Variants in RPH3AL observed in about 807,000 individuals in gnomAD.
RPH3AL encodes rab effector Noc2.
In RPH3AL, 38 loss-of-function variants were observed where a neutral mutation model predicts 43.1. The observed-to-expected ratio is 0.88, with a 90% confidence interval of 0.68 to 1.15. The LOEUF is 1.15. RPH3AL is among the 50% of genes most tolerant of loss of function. The pLI, the probability that RPH3AL is intolerant of heterozygous loss-of-function variation, is 0.00. For missense variants in RPH3AL, 462 were observed against 423.2 expected (o/e 1.09, Z -0.81); for synonymous variants, 189 against 176.3 (o/e 1.07, Z -0.57).
intron 5 of RPH3AL, among the ~76,000 whole-genome samples, chr17:285,149 G>A (rs2042876196): frequency 1.3e-5 from 2 of 152,204 alleles, no homozygotes; most frequent in South Asian, 2.1e-4. Context: ...CCTAGAAATG[G>A]GAGCATCGTC....
At chr17:252,448 T>C (rs1567586557) in intron 6 of RPH3AL, among the ~76,000 whole-genome samples, 1 of 152,202 alleles carries the variant, frequency 6.6e-6, no homozygotes. Context: ...ATTTGTTTTT[T>C]GTTTTTTTGA....
At chr17:247,572 A>G (rs948233593) in intron 6 of RPH3AL, 4 of 378,234 alleles carry the variant, frequency 1.1e-5, no homozygotes, top group Non-Finnish European at 9.5e-6. Flanking sequence ...TGCAGCCTCC[A>G]CCTCCTGGGC....
chr17:235,388 A>G (rs1163312584), intron 7 of RPH3AL, among the ~76,000 whole-genome samples: 1 of 145,760 alleles, frequency 6.9e-6, no homozygotes, highest in African/African-American at 2.6e-5. Context: ...CTCTACACTA[A>G]CAAGACAGGT....
Position 215,784 on chromosome 17 carries a change from G to C in RPH3AL, c.746C>G (p.Pro249Arg). 4 of 1,304,346 alleles carry C rather than the reference G, an allele frequency of 3.1e-6. No homozygotes were observed. The highest frequency in any genetic ancestry group is 3.9e-6 in the Non-Finnish European group (4 of 1,023,156). 80.8% of individuals were successfully genotyped at this position (1,304,346 alleles called of 1,614,324 possible). The change falls in exon 9 of 10, where the codon CCC becomes CGC. Residue 249 changes from proline (P) to arginine (R), a missense_variant. Transcript: ENST00000331302. The surrounding 1 kb of genome is among the most constrained non-coding windows in gnomAD (Gnocchi z 4.1). The part of the protein sequence containing the change: ...WKESGGSVEA[P>R]RMGFTHPPGH... Reference sequence around the variant, plus strand: ...CGGCGGGTGGGTGAACCCCATCCTGGGGGCCTCCACGCTGCCACCTGTGGG... The same window carrying C: ...CGGCGGGTGGGTGAACCCCATCCTGCGGGCCTCCACGCTGCCACCTGTGGG...
In RPH3AL at chr17:224,461, G is replaced by A. The variant is rs563356873; in HGVS notation, c.614-4725C>T. On this transcript the variant is annotated intron_variant, in intron 7 of 9. Coordinates refer to ENST00000331302, the MANE Select transcript of RPH3AL (RefSeq NM_006987.4). Reference sequence around the variant, plus strand: ...TTGGCACAGAAAACTGTCTTCTCCAGGAAGCCCTCCGTCTCACCTGTGCCC... The same window carrying A: ...TTGGCACAGAAAACTGTCTTCTCCAAGAAGCCCTCCGTCTCACCTGTGCCC... Among the ~76,000 whole-genome samples the A allele has an allele frequency of 1.6e-3, 240 of 152,334 alleles. 3 individuals are homozygous for A. The highest frequency in any genetic ancestry group is 2.9e-3 in the Admixed American group (44 of 15,302).
chr17:235,990 A>G (rs4531790), intron 7 of RPH3AL, among the ~76,000 whole-genome samples: 20,860 of 104,662 alleles, frequency 0.2, 2,929 homozygotes, highest in Middle Eastern at 0.27. Context: ...CTACACTAAC[A>G]AGACGGGTCC....
intron 5 of RPH3AL, among the ~76,000 whole-genome samples, chr17:312,110 C>T (rs910952880): frequency 2.0e-5 from 3 of 151,922 alleles, no homozygotes; most frequent in African/African-American, 4.8e-5. Flanking sequence ...GAGACCAGCC[C>T]GGGCAACAAA....
intron 1 of RPH3AL, among the ~76,000 whole-genome samples, chr17:352,254 C>T (rs1400668871): frequency 3.9e-5 from 6 of 152,198 alleles, no homozygotes; most frequent in South Asian, 2.1e-4. Flanking sequence ...TCCAACAGCA[C>T]GCTCTGGTCT....
chr17:293,616 G>A (rs997237270), intron 5 of RPH3AL, among the ~76,000 whole-genome samples: 2 of 152,180 alleles, frequency 1.3e-5, no homozygotes, highest in African/African-American at 2.4e-5. Context: ...TTGAGCCATC[G>A]AGAACTGGGC....
chr17:268,374 A>C (rs2042370134), intron 6 of RPH3AL, among the ~76,000 whole-genome samples: 1 of 152,074 alleles, frequency 6.6e-6, no homozygotes. Context: ...TGATTTTCTT[A>C]ATAACATTTT....
intron 7 of RPH3AL, among the ~76,000 whole-genome samples, chr17:237,742 T>G (rs1044464334): frequency 1.3e-5 from 2 of 152,174 alleles, no homozygotes; most frequent in Non-Finnish European, 2.9e-5. Context: ...GAGGTCCACA[T>G]GGTAAAACTT....
rs1196215346 is a variant in RPH3AL at position 290,187 on chromosome 17, C to T, written c.352-8333G>A. On this transcript the variant is annotated intron_variant, in intron 5 of 9. Coordinates refer to ENST00000331302, the MANE Select transcript of RPH3AL (RefSeq NM_006987.4). The surrounding 1 kb of genome is among the most constrained non-coding windows in gnomAD (Gnocchi z 4.2). ...CGGAGGCGTGAAGGCACTCGCTCAG[C>T]GACACGAGGCAGGGTCCAATCACGT... Among the ~76,000 whole-genome samples the T allele has an allele frequency of 3.3e-5, 5 of 152,362 alleles. No homozygotes were observed. The East Asian group carries it at 9.6e-4, about 29-fold the overall frequency.
intron 1 of RPH3AL, among the ~76,000 whole-genome samples, chr17:348,183 T>C (rs1051727859): frequency 1.3e-5 from 2 of 151,112 alleles, no homozygotes; most frequent in Non-Finnish European, 2.9e-5. Flanking sequence ...ATCTATGACA[T>C]TCTGGAAAAG....
intron 7 of RPH3AL, among the ~76,000 whole-genome samples, chr17:232,198 T>C (rs2041245342): frequency 6.6e-6 from 1 of 152,254 alleles, no homozygotes; most frequent in Non-Finnish European, 1.5e-5. Flanking sequence ...GGTGTTTCTC[T>C]GCCTTTCCAT....
intron 6 of RPH3AL, 23 bp downstream of exon 6, chr17:281,745 C>G: frequency 3.1e-6 from 5 of 1,601,320 alleles, no homozygotes; most frequent in Non-Finnish European, 4.3e-6. Context: ...CAGCCCTCCC[C>G]ACCGTCACCC....
chr17:320,656 A>G (rs1008392356), intron 4 of RPH3AL, among the ~76,000 whole-genome samples: 2 of 152,214 alleles, frequency 1.3e-5, no homozygotes, highest in South Asian at 2.1e-4. Context: ...AAAAAAAGAA[A>G]AGGAAAAGAA....
rs72806033 is a variant in RPH3AL at position 290,062 on chromosome 17, A to T, written c.352-8208T>A. Among the ~76,000 whole-genome samples the T allele has an allele frequency of 0.58, 88,759 of 152,084 alleles. 27,999 individuals carry two copies. Among genetic ancestry groups the T allele is most frequent in the Non-Finnish European group, 0.71 (48,497 of 67,970 alleles). On this transcript the variant is annotated intron_variant, in intron 5 of 9. Transcript: ENST00000331302. The surrounding 1 kb of genome is among the most constrained non-coding windows in gnomAD (Gnocchi z 4.2). Reference sequence around the variant, plus strand: ...CCGGCACAGTGACTATTTGCAGAAGAACGGATTGAACAAATGGAAGCTACT... The same window carrying T: ...CCGGCACAGTGACTATTTGCAGAAGTACGGATTGAACAAATGGAAGCTACT...
At chr17:307,277 CA>C (rs2043520165) in intron 5 of RPH3AL, among the ~76,000 whole-genome samples, 1 of 95,658 alleles carries the variant, frequency 1.0e-5, no homozygotes, top group African/African-American at 4.4e-5. Context: ...ACGGCAGGTC[CA>C]TCCCGCGGCA....
At chr17:286,340 G>A (rs541853030) in intron 5 of RPH3AL, among the ~76,000 whole-genome samples, 5 of 152,076 alleles carry the variant, frequency 3.3e-5, no homozygotes, top group African/African-American at 9.7e-5. Flanking sequence ...ATCGCGCCTC[G>A]GGCAGCCTGT....
Sources: allele counts gnomAD v4.1 joint callset (sites outside exome capture counted in the v4.1 genomes callset), GRCh38; gene constraint gnomAD v4.1.1; non-coding constraint Gnocchi (gnomAD v3.1); transcripts MANE v1.5; gene names NCBI Gene and HGNC (gene_info 2026-07-23, HGNC 2026-07-21).